The following SMARCC1 variants were observed in gnomAD, a reference collection of about 807,000 sequenced individuals.
SMARCC1 encodes SWI/SNF related BAF chromatin remodeling complex subunit C1.
A neutral mutation model predicts 147.4 loss-of-function variants in SMARCC1; 43 were observed. The ratio of observed to expected loss-of-function variants is 0.29; its 90% CI spans 0.23 to 0.38. The LOEUF is 0.38. SMARCC1 is among the 10% of genes least tolerant of loss of function. SMARCC1 has a pLI of 1.00. For synonymous variants in SMARCC1, 495 were observed against 484.4 expected (o/e 1.02, Z -0.29); for missense variants, 1,119 against 1,381.1 (o/e 0.81, Z 3.01).
intron 19 of SMARCC1, chr3:47,670,214 GC>G (rs1426536444): frequency 1.9e-5 from 3 of 156,978 alleles, no homozygotes; most frequent in Non-Finnish European, 4.2e-5. Flanking sequence ...AAGCATGATG[GC>G]TGTTCTAAAG....
intron 19 of SMARCC1, among the ~76,000 whole-genome samples, chr3:47,664,221 G>C (rs570117964): frequency 6.9e-6 from 1 of 145,788 alleles, no homozygotes; most frequent in African/African-American, 2.5e-5. Flanking sequence ...AGCATAATGA[G>C]ATACTTAGGA....
intron 15 of SMARCC1, 135 bp from the exon 16 acceptor site, chr3:47,678,446 T>TTA: frequency 2.1e-6 from 1 of 476,390 alleles, no homozygotes; most frequent in Non-Finnish European, 3.8e-6. Context: ...AACATTGATA[T>TTA]TATATTGCAC....
intron 24 of SMARCC1, among the ~76,000 whole-genome samples, chr3:47,629,042 T>C (rs1018939729): frequency 1.1e-4 from 16 of 152,138 alleles, no homozygotes; most frequent in African/African-American, 2.9e-4. Context: ...CAAGTCAAAC[T>C]GTGGAGAACA....
At chr3:47,600,735 A>G (rs1007739694) in intron 26 of SMARCC1, among the ~76,000 whole-genome samples, 7 of 152,116 alleles carry the variant, frequency 4.6e-5, no homozygotes, top group Admixed American at 4.6e-4. Context: ...GACAAAATCA[A>G]TTTCGCACAA....
chr3:47,723,375 T>G (rs1413711298), intron 6 of SMARCC1, among the ~76,000 whole-genome samples: 4 of 146,038 alleles, frequency 2.7e-5, no homozygotes, highest in Non-Finnish European at 6.0e-5. Flanking sequence ...TTTTTTTTTT[T>G]TTTGAGACAG....
At position 47,720,760 on chromosome 3, in the gene SMARCC1, T is replaced by C. The variant is rs201293424; in HGVS notation, c.647-25A>G. On this transcript the variant is annotated intron_variant, in intron 6 of 27. Transcript: ENST00000254480. ...TCTGGAAGAGAAAAAGAAACAACTT[T>C]ACTCAAACTGACAAAATAATAAAGA... The C allele has an allele frequency of 1.6e-4, 235 of 1,500,940 alleles. 2 individuals are homozygous for C. The African/African-American group carries it at 3.1e-3, about 20-fold the overall frequency. The allele number at this position is 1,500,940 out of a possible 1,614,324, so 93.0% of individuals were successfully genotyped here.
intron 26 of SMARCC1, among the ~76,000 whole-genome samples, chr3:47,607,105 C>T (rs915279588): frequency 2.0e-5 from 3 of 152,134 alleles, no homozygotes; most frequent in African/African-American, 7.2e-5. Context: ...AAGCTTAACT[C>T]TGGAGAAAAT....
intron 11 of SMARCC1, among the ~76,000 whole-genome samples, chr3:47,698,005 CAAAAAAA>C (rs71070213): frequency 4.0e-4 from 5 of 12,494 alleles, no homozygotes; most frequent in African/African-American, 8.9e-4. Context: ...GCCTCCGCCT[CAAAAAAA>C]AAAAAAAAAA....
At chr3:47,693,112 G>A in intron 12 of SMARCC1, 129 bp downstream of exon 12, 1 of 650,702 alleles carries the variant, frequency 1.5e-6, no homozygotes, top group South Asian at 2.0e-5. Flanking sequence ...TAAAGCTGTG[G>A]TGAGCTATAT....
At chr3:47,779,741 G>A (rs1320129418) in intron 1 of SMARCC1, among the ~76,000 whole-genome samples, 2 of 152,126 alleles carry the variant, frequency 1.3e-5, no homozygotes, top group Non-Finnish European at 2.9e-5. Flanking sequence ...GTGCGGAGAG[G>A]TAGAAATTAC....
At chr3:47,747,839 G>A (rs929473785) in intron 2 of SMARCC1, among the ~76,000 whole-genome samples, 3 of 150,446 alleles carry the variant, frequency 2.0e-5, no homozygotes, top group Non-Finnish European at 4.4e-5. Flanking sequence ...GGACTTCTTC[G>A]CCTTATAAAT....
intron 24 of SMARCC1, among the ~76,000 whole-genome samples, chr3:47,629,481 G>C (rs2032859037): frequency 6.6e-6 from 1 of 152,164 alleles, no homozygotes; most frequent in Non-Finnish European, 1.5e-5. Flanking sequence ...CCTTGAATTT[G>C]GACAGAACAT....
chr3:47,714,499 G>A lies in SMARCC1; in HGVS notation c.717-9C>T. 1 of 1,414,496 alleles carries A rather than the reference G, an allele frequency of 7.1e-7. No homozygotes were observed. Among genetic ancestry groups the A allele is most frequent in the Non-Finnish European group, 9.8e-7 (1 of 1,024,174 alleles). 87.6% of individuals were successfully genotyped at this position (1,414,496 alleles called of 1,614,324 possible). A position where few individuals can be genotyped will look rare whatever the true frequency, so the allele number is the denominator to read the frequency against. On this transcript the variant is annotated splice_polypyrimidine_tract_variant and intron_variant, in intron 7 of 27. Coordinates refer to ENST00000254480, the MANE Select transcript of SMARCC1 (RefSeq NM_003074.4). ...GGACCCAAGTATCATAGCTATAAAG[G>A]AATCAAAATGAGAAAAACAAATTAG...
intron 21 of SMARCC1, among the ~76,000 whole-genome samples, chr3:47,649,846 G>C (rs1333779001): frequency 6.6e-6 from 1 of 152,150 alleles, no homozygotes; most frequent in Non-Finnish European, 1.5e-5. Flanking sequence ...CTCTCTTGAG[G>C]GAAAGGGCTG....
At chr3:47,653,569 G>GT (rs1203313818) in intron 21 of SMARCC1, among the ~76,000 whole-genome samples, 4 of 152,160 alleles carry the variant, frequency 2.6e-5, no homozygotes, top group East Asian at 3.8e-4. Context: ...GACATGAAAC[G>GT]TAAGAGACAT....
intron 2 of SMARCC1, among the ~76,000 whole-genome samples, chr3:47,771,845 G>C (rs546031474): frequency 6.6e-6 from 1 of 152,124 alleles, no homozygotes; most frequent in East Asian, 1.9e-4. Context: ...ACTTTGGGAG[G>C]CCGAGGTGGG....
intron 11 of SMARCC1, among the ~76,000 whole-genome samples, chr3:47,697,236 T>C (rs2033864764): frequency 6.6e-6 from 1 of 151,634 alleles, no homozygotes; most frequent in African/African-American, 2.4e-5. Context: ...GGAGTATCAC[T>C]TGAGTGAGCA....
intron 6 of SMARCC1, among the ~76,000 whole-genome samples, chr3:47,726,374 T>C (rs962224306): frequency 2.0e-5 from 3 of 151,274 alleles, no homozygotes; most frequent in Non-Finnish European, 4.4e-5. Flanking sequence ...TAGCTCTACA[T>C]GGTGGAACGC....
At chr3:47,652,938 A>C (rs1268016733) in intron 21 of SMARCC1, among the ~76,000 whole-genome samples, 1 of 148,038 alleles carries the variant, frequency 6.8e-6, no homozygotes, top group Non-Finnish European at 1.5e-5. Flanking sequence ...GTGTTCATCC[A>C]GCTTTACTTT....
Sources: allele counts gnomAD v4.1 joint callset (sites outside exome capture counted in the v4.1 genomes callset), GRCh38; gene constraint gnomAD v4.1.1; transcripts MANE v1.5; gene names NCBI Gene and HGNC (gene_info 2026-07-23, HGNC 2026-07-21).